Variants in ABCD2 observed in about 807,000 individuals in gnomAD.
ABCD2 encodes ATP binding cassette subfamily D member 2.
In ABCD2, 36 loss-of-function variants were observed where a neutral mutation model predicts 70.9. That is an observed-to-expected ratio of 0.51 (90% CI 0.39 to 0.67). ABCD2 has a LOEUF of 0.67. ABCD2 is among the 30% of genes least tolerant of loss of function. The pLI is 0.00. For missense variants in ABCD2, 729 were observed against 890.2 expected, an observed-to-expected ratio of 0.82 and a Z score of 2.30; for synonymous variants, 304 against 306.9, an observed-to-expected ratio of 0.99 and a Z score of 0.10.
At chr12:39,549,446 T>C (rs1352894017), downstream of ABCD2, among the ~76,000 whole-genome samples, 1 of 151,946 alleles carries the variant, frequency 6.6e-6, no homozygotes, top group Non-Finnish European at 1.5e-5. Context: ...TGTTAATCTC[T>C]GAATCCCTAG....
Position 39,554,043 on chromosome 12 carries a change from C to T in ABCD2, c.2092G>A (p.Glu698Lys). Reference sequence around the variant, plus strand: ...TGAGATTCTAGCTTTTGTTTTTCTTCACTCAATGTCAAACGGATAGCAGTA... The same window carrying T: ...TGAGATTCTAGCTTTTGTTTTTCTTTACTCAATGTCAAACGGATAGCAGTA... ...LDTAIRLTLS[E>K]EKQKLESQLA... Residue 698 changes from glutamate (E) to lysine (K), a missense_variant, in exon 10 of 10, where the codon GAA becomes AAA. By Grantham distance (56) the Glu-to-Lys change is moderately conservative. Coordinates refer to ENST00000308666, the MANE Select transcript of ABCD2 (RefSeq NM_005164.4). The T allele has an allele frequency of 6.2e-7, 1 of 1,613,668 alleles. No individual in the cohort carries two copies. The highest frequency in any genetic ancestry group is 8.5e-7 in the Non-Finnish European group (1 of 1,179,828).
chr12:39,619,702 T>C lies in ABCD2; in HGVS notation c.-87A>G. ...AATCCCCAGCAAATGTTTTAGAAAG[T>C]CCTACAGCGTCCCATAGTCTGCAGC... is the stretch of plus-strand genomic sequence containing the variant. On this transcript the variant is annotated 5_prime_UTR_variant, in exon 1 of 10. Coordinates refer to ENST00000308666, the MANE Select transcript of ABCD2 (RefSeq NM_005164.4). The C allele has an allele frequency of 8.6e-7, 1 of 1,164,318 alleles. No homozygotes were observed. The highest frequency in any genetic ancestry group is 1.5e-5 in the African/African-American group (1 of 64,794). The allele number at this position is 1,164,318 out of a possible 1,614,324, so 72.1% of individuals were successfully genotyped here. A position where few individuals can be genotyped will look rare whatever the true frequency, so the allele number is the denominator to read the frequency against.
intron 9 of ABCD2, among the ~76,000 whole-genome samples, chr12:39,558,112 C>T (rs1290298927): frequency 6.6e-6 from 1 of 152,182 alleles, no homozygotes; most frequent in Non-Finnish European, 1.5e-5. Flanking sequence ...GTGAGCAGCC[C>T]AAGGCTATGG....
intron 9 of ABCD2, among the ~76,000 whole-genome samples, chr12:39,572,040 A>G (rs1017069474): frequency 1.8e-4 from 27 of 152,184 alleles, no homozygotes; most frequent in African/African-American, 6.3e-4. Context: ...TTGTGGAGAA[A>G]TGTACTTGGG....
At chr12:39,562,662 A>G (rs1321451276) in intron 9 of ABCD2, among the ~76,000 whole-genome samples, 5 of 152,182 alleles carry the variant, frequency 3.3e-5, no homozygotes, top group Non-Finnish European at 7.4e-5. Context: ...ACAGACAAAT[A>G]ACAAATAAGG....
intron 9 of ABCD2, among the ~76,000 whole-genome samples, chr12:39,567,235 A>C (rs1236896260): frequency 6.6e-6 from 1 of 152,142 alleles, no homozygotes; most frequent in Non-Finnish European, 1.5e-5. Context: ...GTGGGGTGTT[A>C]AACTCTCCCA....
At chr12:39,540,808 A>G in the ABCD2 span, among the ~76,000 whole-genome samples, 39 of 152,302 alleles carry the variant, frequency 2.6e-4, no homozygotes, top group Non-Finnish European at 5.0e-4. Context: ...ACCAGCTTGA[A>G]TTGTCCCACC....
chr12:39,590,024 C>T (rs1319249001), intron 6 of ABCD2, among the ~76,000 whole-genome samples: 2 of 152,036 alleles, frequency 1.3e-5, no homozygotes, highest in East Asian at 3.9e-4. Flanking sequence ...CAAGAAAATT[C>T]GGGATGACAT....
At chr12:39,583,565 A>T (rs1404195256) in intron 7 of ABCD2, among the ~76,000 whole-genome samples, 1 of 152,220 alleles carries the variant, frequency 6.6e-6, no homozygotes, top group Non-Finnish European at 1.5e-5. Flanking sequence ...AAGTTTTCTT[A>T]CATAGGTAAA....
chr12:39,568,973 T>G (rs1941403845), intron 9 of ABCD2, among the ~76,000 whole-genome samples: 1 of 152,148 alleles, frequency 6.6e-6, no homozygotes, highest in Admixed American at 6.5e-5. Context: ...TTGCTGCCTG[T>G]TCATTCCTCT....
At chr12:39,542,718 T>G in the ABCD2 span, among the ~76,000 whole-genome samples, 1 of 151,968 alleles carries the variant, frequency 6.6e-6, no homozygotes, top group Non-Finnish European at 1.5e-5. Flanking sequence ...GTGACTGAAT[T>G]AGGTAGGCAA....
At chr12:39,590,248 G>T (rs1006284365) in intron 6 of ABCD2, among the ~76,000 whole-genome samples, 15 of 152,114 alleles carry the variant, frequency 9.9e-5, no homozygotes, top group African/African-American at 3.6e-4. Context: ...GACCTATTCA[G>T]ATAATCTTCT....
intron 8 of ABCD2, among the ~76,000 whole-genome samples, chr12:39,577,181 A>G (rs1941530356): frequency 6.6e-6 from 1 of 152,124 alleles, no homozygotes; most frequent in Admixed American, 6.5e-5. Context: ...AGCTAATGAG[A>G]TAATCGCTAA....
At chr12:39,586,125 G>A in intron 7 of ABCD2, 27 bp downstream of exon 7, 1 of 1,578,356 alleles carries the variant, frequency 6.3e-7, no homozygotes, top group Non-Finnish European at 8.6e-7. Flanking sequence ...GAAGTTAAAT[G>A]CATTAGAAAA....
chr12:39,614,569 A>C (rs552926217), intron 2 of ABCD2, among the ~76,000 whole-genome samples: 2 of 151,238 alleles, frequency 1.3e-5, no homozygotes, highest in African/African-American at 2.4e-5. Flanking sequence ...TTTTGCCTTA[A>C]AATATATAAA....
At chr12:39,588,386 A>C (rs1941695499) in intron 6 of ABCD2, among the ~76,000 whole-genome samples, 1 of 152,168 alleles carries the variant, frequency 6.6e-6, no homozygotes, top group African/African-American at 2.4e-5. Flanking sequence ...GATTAACCAG[A>C]TGAGTCCTAA....
rs1307987848 is a variant in ABCD2 at position 39,618,742 on chromosome 12, A to G, written c.874T>C (p.Leu292=). 6.2e-7 allele frequency: 1 copy of G among 1,614,088 alleles called. No individual in the cohort carries two copies. Among genetic ancestry groups the G allele is most frequent in the African/African-American group, 1.3e-5 (1 of 74,938 alleles). ...ATAATTCTCGAGTGCACATACCGCA[A>G]ATAGCCTTTTCTATGTGCTTCCTCT... The part of the protein sequence containing the change: ...VAEEAHRKGY[L]RYVHSRIIAN... Residue 292 remains leucine (L), a synonymous_variant, in exon 1 of 10, where the codon TTG becomes CTG. Transcript: ENST00000308666.
intron 6 of ABCD2, among the ~76,000 whole-genome samples, chr12:39,597,140 C>G (rs992713230): frequency 6.6e-6 from 1 of 152,046 alleles, no homozygotes; most frequent in Non-Finnish European, 1.5e-5. Context: ...TTTTTAAAAA[C>G]TAGTACAAAA....
intron 1 of ABCD2, 22 bp from the exon 2 acceptor site, chr12:39,617,190 G>T: frequency 1.3e-6 from 2 of 1,498,840 alleles, no homozygotes; most frequent in Middle Eastern, 2.0e-4. Flanking sequence ...AAAAAGAGTT[G>T]AGGACTTTTT....
Sources: allele counts gnomAD v4.1 joint callset (sites outside exome capture counted in the v4.1 genomes callset), GRCh38; gene constraint gnomAD v4.1.1; transcripts MANE v1.5; gene names NCBI Gene and HGNC (gene_info 2026-07-23, HGNC 2026-07-21).